Variants in NCAM2 observed in about 807,000 individuals in gnomAD.
NCAM2 encodes N-CAM-2.
In NCAM2, 30 loss-of-function variants were observed where a neutral mutation model predicts 98.1. The ratio of observed to expected loss-of-function variants is 0.31; its 90% confidence interval spans 0.23 to 0.41. The LOEUF (loss-of-function observed/expected upper bound fraction) is 0.41. Ranked by LOEUF, NCAM2 falls within the 10% of genes least tolerant of loss-of-function variation. The pLI, the probability that NCAM2 is intolerant of heterozygous loss-of-function variation, is 1.00. For synonymous variants in NCAM2, 368 were observed against 342.4 expected (o/e 1.07, Z -0.83); for missense variants, 867 against 1,005.8 (o/e 0.86, Z 1.87).
chr21:21,245,756 C>T (rs901201328), intron 1 of NCAM2, among the ~76,000 whole-genome samples: 3 of 152,048 alleles, frequency 2.0e-5, no homozygotes, highest in Non-Finnish European at 4.4e-5. Flanking sequence ...TTATTTCTTT[C>T]TTTCTTCCCT....
intron 8 of NCAM2, among the ~76,000 whole-genome samples, chr21:21,339,492 G>A (rs1356985172): frequency 6.6e-6 from 1 of 151,918 alleles, no homozygotes; most frequent in African/African-American, 2.4e-5. Context: ...TGAAATGATA[G>A]AACTGGCAAT....
chr21:21,235,519 A>G (rs1000425730), intron 1 of NCAM2, among the ~76,000 whole-genome samples: 1 of 152,108 alleles, frequency 6.6e-6, no homozygotes, highest in African/African-American at 2.4e-5. Context: ...AATTCTCCAG[A>G]AATACCTAAA....
At chr21:21,446,976 C>T (rs1273639298) in intron 12 of NCAM2, among the ~76,000 whole-genome samples, 1 of 152,078 alleles carries the variant, frequency 6.6e-6, no homozygotes, top group African/African-American at 2.4e-5. Context: ...TCCATACTGC[C>T]CGAAGTAATT....
chr21:21,211,072 C>T (rs1190014831), intron 1 of NCAM2, among the ~76,000 whole-genome samples: 1 of 149,796 alleles, frequency 6.7e-6, no homozygotes, highest in Non-Finnish European at 1.5e-5. Context: ...TCATAAATTG[C>T]TAAATACATT....
chr21:21,247,774 A>G (rs1398530798), intron 1 of NCAM2, among the ~76,000 whole-genome samples: 1 of 152,210 alleles, frequency 6.6e-6, no homozygotes, highest in African/African-American at 2.4e-5. Flanking sequence ...TGATTTTATC[A>G]TAATAGGAAT....
intron 10 of NCAM2, among the ~76,000 whole-genome samples, chr21:21,416,518 G>A (rs200297564): frequency 6.7e-6 from 1 of 150,222 alleles, no homozygotes; most frequent in Non-Finnish European, 1.5e-5. Flanking sequence ...AAAGAAAAAA[G>A]AAAAACACTA....
intron 1 of NCAM2, among the ~76,000 whole-genome samples, chr21:21,039,360 T>C (rs2064858097): frequency 6.6e-6 from 1 of 152,198 alleles, no homozygotes; most frequent in Non-Finnish European, 1.5e-5. Flanking sequence ...TGGGAAAGAA[T>C]AAGTTCTAAT....
At chr21:21,308,504 C>G (rs1008712169) in intron 5 of NCAM2, among the ~76,000 whole-genome samples, 2 of 152,072 alleles carry the variant, frequency 1.3e-5, no homozygotes, top group African/African-American at 4.8e-5. Flanking sequence ...TTCCTCTGTA[C>G]ATAAAGTATC....
At chr21:21,145,937 G>T (rs527902351) in intron 1 of NCAM2, among the ~76,000 whole-genome samples, 55 of 152,238 alleles carry the variant, frequency 3.6e-4, no homozygotes, top group African/African-American at 1.3e-3. Flanking sequence ...GAAGGAAGAA[G>T]AAAGGCCAGG....
At chr21:21,020,885 T>G (rs2064419974) in intron 1 of NCAM2, among the ~76,000 whole-genome samples, 1 of 152,192 alleles carries the variant, frequency 6.6e-6, no homozygotes, top group South Asian at 2.1e-4. Flanking sequence ...CTTTATACCC[T>G]CTGGAAGGCA....
chr21:21,390,728 G>C (rs2076363066), intron 9 of NCAM2, among the ~76,000 whole-genome samples: 1 of 152,116 alleles, frequency 6.6e-6, no homozygotes, highest in Admixed American at 6.5e-5. Flanking sequence ...CAACTCGACT[G>C]TATTTTTAAG....
intron 1 of NCAM2, among the ~76,000 whole-genome samples, chr21:21,015,712 G>T (rs901356546): frequency 1.3e-4 from 20 of 151,538 alleles, no homozygotes; most frequent in South Asian, 4.2e-4. Flanking sequence ...TTTGTTTTTG[G>T]TTTTTTTTGA....
chr21:21,120,374 A>G (rs183989810), intron 1 of NCAM2, among the ~76,000 whole-genome samples: 5 of 152,312 alleles, frequency 3.3e-5, no homozygotes, highest in Admixed American at 2.0e-4. Flanking sequence ...GTGATTTTCA[A>G]TGAAGAAGGA....
intron 1 of NCAM2, among the ~76,000 whole-genome samples, chr21:21,097,319 C>T (rs765923086): frequency 1.3e-5 from 2 of 151,568 alleles, no homozygotes; most frequent in Non-Finnish European, 3.0e-5. Context: ...CCAGTATAGT[C>T]AATATACCAT....
At chr21:21,163,310 A>G (rs979984610) in intron 1 of NCAM2, among the ~76,000 whole-genome samples, 3 of 152,158 alleles carry the variant, frequency 2.0e-5, no homozygotes, top group African/African-American at 7.2e-5. Context: ...AAGGCAGTTT[A>G]CTGAAAGAAG....
At chr21:21,117,781 T>A in intron 1 of NCAM2, among the ~76,000 whole-genome samples, 1 of 152,206 alleles carries the variant, frequency 6.6e-6, no homozygotes, top group East Asian at 1.9e-4. Flanking sequence ...GTATCTTTCC[T>A]TGATTAATCG....
chr21:21,397,710 C>A (rs891691304), intron 9 of NCAM2, among the ~76,000 whole-genome samples: 3 of 152,204 alleles, frequency 2.0e-5, no homozygotes, highest in Non-Finnish European at 2.9e-5. Flanking sequence ...GAGTGCAGGG[C>A]TCCCACCCCA....
At position 21,274,780 on chromosome 21, in the gene NCAM2, A is replaced by G. The variant is rs374021841; in HGVS notation, c.56-5798A>G. ...GTTGCAGCTCGTTGTCCCAAGATCA[A>G]TCAGTGTCTTAAGTTATCTCCACAT... is the stretch of plus-strand genomic sequence containing the variant. On this transcript the variant is annotated intron_variant, in intron 1 of 17. Coordinates refer to ENST00000400546, the MANE Select transcript of NCAM2 (RefSeq NM_004540.5). Among the ~76,000 whole-genome samples the G allele has an allele frequency of 5.9e-5, 9 of 152,302 alleles. No individual in the cohort carries two copies. The East Asian group carries it at 1.7e-3, about 29-fold the overall frequency.
chr21:21,509,121 C>A, intron 16 of NCAM2, 66 bp downstream of exon 16: 1 of 1,518,018 alleles, frequency 6.6e-7, no homozygotes, highest in Non-Finnish European at 9.1e-7. Flanking sequence ...GAGTGCTTTA[C>A]CTGAGGGCGT....
Sources: allele counts gnomAD v4.1 joint callset (sites outside exome capture counted in the v4.1 genomes callset), GRCh38; gene constraint gnomAD v4.1.1; transcripts MANE v1.5; gene names NCBI Gene and HGNC (gene_info 2026-07-23, HGNC 2026-07-21).